MDC1: variants seen among roughly 807,000 people sequenced by gnomAD.
MDC1 encodes mediator of DNA damage checkpoint 1, also known as mediator of DNA damage checkpoint protein 1.
Under a neutral mutation model 142.5 loss-of-function variants are expected in MDC1, and 81 were observed. That is an observed-to-expected ratio of 0.57 (90% CI 0.47 to 0.68). The LOEUF (loss-of-function observed/expected upper bound fraction) is 0.68. MDC1 is among the 30% of genes least tolerant of loss of function. The probability of loss-of-function intolerance (pLI) is 0.00; values close to 1 mark genes in which losing one functional copy is unlikely to be tolerated. For missense variants in MDC1, 2,119 were observed against 2,547.9 expected, an observed-to-expected ratio of 0.83 and a Z score of 3.62; for synonymous variants, 797 against 968.4, an observed-to-expected ratio of 0.82 and a Z score of 3.29.
chr6:30,703,205 C>T lies in MDC1; in HGVS notation c.5764G>A (p.Glu1922Lys). 6.2e-7 allele frequency: 1 copy of T among 1,613,114 alleles called. No homozygotes were observed. Among genetic ancestry groups the T allele is most frequent in the East Asian group, 2.2e-5 (1 of 44,890 alleles). Residue 1922 changes from glutamate to lysine, a missense_variant, in exon 12 of 15, where the codon GAG becomes AAG. By Grantham distance (56) the Glu-to-Lys change is moderately conservative. Transcript: ENST00000376406. The surrounding 1 kb of genome is among the most constrained non-coding windows in gnomAD (Gnocchi z 4.4). Reference sequence around the variant, plus strand: ...CGATCAGTGACCAGGTGGGAAGCCTCTGCCGCTGAACCAGCCAGACTTCCC... The same window carrying T: ...CGATCAGTGACCAGGTGGGAAGCCTTTGCCGCTGAACCAGCCAGACTTCCC... ...LGGSLAGSAA[E>K]ASHLVTDRIR...
rs757008913 is a variant in MDC1 at position 30,704,852 on chromosome 6, G to A, written c.4331C>T (p.Thr1444Ile). Reference protein sequence around the residue: ...RGRTNRSSVKTPETVVPTAPE... With the variant: ...RGRTNRSSVKIPETVVPTAPE... ...GGCTGTGGGGACAACTGTTTCAGGGGTCTTCACAGAGGACCTATTTGTCCT... is the reference window on the plus strand; with the variant it reads ...GGCTGTGGGGACAACTGTTTCAGGGATCTTCACAGAGGACCTATTTGTCCT... The change falls in exon 10 of 15, where the codon ACC (threonine) becomes ATC (isoleucine). Residue 1444 changes from threonine (T) to isoleucine (I), a missense_variant. Physicochemically the swap from Thr to Ile is moderately conservative, Grantham distance 89. Coordinates refer to ENST00000376406, the MANE Select transcript of MDC1 (RefSeq NM_014641.3). 6.2e-7 allele frequency: 1 copy of A among 1,607,612 alleles called. No homozygotes were observed. Among genetic ancestry groups the A allele is most frequent in the South Asian group, 1.1e-5 (1 of 90,600 alleles).
Position 30,705,741 on chromosome 6 carries a change from T to C in MDC1, c.3442A>G (p.Ser1148Gly). The change falls in exon 10 of 15, where the codon AGC (serine) becomes GGC (glycine). Residue 1148 changes from serine (S) to glycine (G), a missense_variant. Coordinates refer to ENST00000376406, the MANE Select transcript of MDC1 (RefSeq NM_014641.3). ...TTGACAGAGGACCTATTTGTCCTGC[T>C]CCTAGTGGCCTGAGATGTGGGCTTG... is the stretch of plus-strand genomic sequence containing the variant. Reference protein sequence around the residue: ...TPKPTSQATRSRTNRSSVKTP... With the variant: ...TPKPTSQATRGRTNRSSVKTP... The C allele has an allele frequency of 1.2e-6, 2 of 1,612,130 alleles. No homozygotes were observed. The highest frequency in any genetic ancestry group is 1.7e-6 in the Non-Finnish European group (2 of 1,179,064).
At position 30,712,658 on chromosome 6, in the gene MDC1, G is replaced by C; in HGVS notation, c.1284C>G (p.Asn428Lys). The stretch of plus-strand genomic sequence containing the variant: ...GGGGCATGTCCTCTTCTGCATCTCT[G>C]TTCCATATAGCAGGCTGGCTCTCTT... Reference protein sequence around the residue: ...HLKESQPAIWNRDAEEDMPQR... With the variant: ...HLKESQPAIWKRDAEEDMPQR... The change falls in exon 5 of 15, where the codon AAC becomes AAG. Residue 428 changes from asparagine (N) to lysine (K), a missense_variant. Asn to Lys is a moderately conservative substitution (Grantham distance 94). Transcript: ENST00000376406. This position sits in a 1 kb window ranked among gnomAD's most constrained non-coding sequence, Gnocchi z 4.7. 6.2e-7 allele frequency: 1 copy of C among 1,613,006 alleles called. No individual in the cohort carries two copies. The highest frequency in any genetic ancestry group is 8.5e-7 in the Non-Finnish European group (1 of 1,180,008).
At position 30,716,504 on chromosome 6, in the gene MDC1, G is replaced by C. The variant is rs962677564; in HGVS notation, c.-4+741C>G. Among the ~76,000 whole-genome samples the C allele has an allele frequency of 6.6e-6, 1 of 152,182 alleles. No individual in the cohort carries two copies. Among genetic ancestry groups the C allele is most frequent in the Non-Finnish European group, 1.5e-5 (1 of 68,048 alleles). On this transcript the variant is annotated intron_variant, in intron 1 of 14. Transcript: ENST00000376406. This position sits in a 1 kb window ranked among gnomAD's most constrained non-coding sequence, Gnocchi z 4.4. ...TGGGATTACAGCAGTGAGCAACCGC[G>C]CCCGGCCTCAAATGTCACTTTCTCA...
In MDC1 at chr6:30,705,133, G is replaced by A; in HGVS notation, c.4050C>T (p.Thr1350=). The change falls in exon 10 of 15, where the codon ACC becomes ACT. Residue 1350 remains threonine (T), a synonymous_variant. Coordinates refer to ENST00000376406, the MANE Select transcript of MDC1 (RefSeq NM_014641.3). The part of the protein sequence containing the change: ...QPVTPKPTSR[T]TRSRTNMSSV... ...AGGACATATTTGTCCTGCTCCTAGT[G>A]GTCCGAGATGTGGGCTTAGGGGTGA... 6.2e-7 allele frequency: 1 copy of A among 1,611,126 alleles called. No individual in the cohort carries two copies. The highest frequency in any genetic ancestry group is 8.5e-7 in the Non-Finnish European group (1 of 1,179,272).
Position 30,704,350 on chromosome 6 carries a change from T to G in MDC1, c.4833A>C (p.Pro1611=). Residue 1611 remains proline, a synonymous_variant, in exon 10 of 15, where the codon CCA becomes CCC. Transcript: ENST00000376406. The part of the protein sequence containing the change: ...TNRSSVKTPE[P]VVPTAPEPHP... ...GGGGCTCAGGGGCTGTGGGGACAAC[T>G]GGCTCAGGGGTCTTGACAGAGGACC... 6.2e-7 allele frequency: 1 copy of G among 1,613,456 alleles called. No homozygotes were observed. Among genetic ancestry groups the G allele is most frequent in the Non-Finnish European group, 8.5e-7 (1 of 1,179,758 alleles).
chr6:30,716,998 C>T lies in MDC1; in HGVS notation c.-4+247G>A, dbSNP rs1158239939. ...GCCAACTCAGCGGGTGCCCACCACG[C>T]TTGGCTCCAATTCAAAGAGCCACCA... On this transcript the variant is annotated intron_variant, in intron 1 of 14. Transcript: ENST00000376406. This position sits in a 1 kb window ranked among gnomAD's most constrained non-coding sequence, Gnocchi z 4.4. The T allele has an allele frequency of 1.3e-6, 1 of 788,036 alleles. No individual in the cohort carries two copies. The highest frequency in any genetic ancestry group is 6.2e-5 in the Admixed American group (1 of 16,020). 48.8% of individuals were successfully genotyped at this position (788,036 alleles called of 1,614,324 possible).
chr6:30,702,425 C>T (rs1418662291), intron 14 of MDC1, 128 bp downstream of exon 14: 2 of 669,382 alleles, frequency 3.0e-6, no homozygotes, highest in Non-Finnish European at 4.9e-6. Context: ...TAGGTCTTTT[C>T]CCCCACCCTC....
intron 14 of MDC1, 127 bp from the exon 15 acceptor site, chr6:30,700,759 G>A (rs528083513): frequency 9.8e-6 from 9 of 914,420 alleles, no homozygotes; most frequent in Admixed American, 4.9e-5. Flanking sequence ...GAAGCACACC[G>A]CATACTGTCT....
Position 30,705,154 on chromosome 6 carries a change from G to C in MDC1, c.4029C>G (p.Thr1343=). 3 of 1,604,124 alleles carry C rather than the reference G, an allele frequency of 1.9e-6. No homozygotes were observed. Among genetic ancestry groups the C allele is most frequent in the Non-Finnish European group, 2.6e-6 (3 of 1,176,110 alleles). ...QISTSTDQPV[T]PKPTSRTTRS... is the part of the protein sequence containing the mutation. ...TAGTGGTCCGAGATGTGGGCTTAGG[G>C]GTGACAGGTTGGTCTGTGGAGGTGG... is the stretch of plus-strand genomic sequence containing the variant. The change falls in exon 10 of 15, where the codon ACC becomes ACG. Residue 1343 remains threonine (T), a synonymous_variant. Transcript: ENST00000376406.
Position 30,707,875 on chromosome 6 carries a change from C to T in MDC1, c.2704G>A (p.Glu902Lys). ...VEIETSEEIQEKQVQKQTLPS... is the reference protein window; with the variant it reads ...VEIETSEEIQKKQVQKQTLPS... ...AGGGTCTGCTTCTGTACTTGTTTCT[C>T]TTGTATTTCCTCAGATGTCTCAATT... The change falls in exon 8 of 15, where the codon GAG becomes AAG. Residue 902 changes from glutamate (E) to lysine (K), a missense_variant. Physicochemically the swap from Glu to Lys is moderately conservative, Grantham distance 56. Coordinates refer to ENST00000376406, the MANE Select transcript of MDC1 (RefSeq NM_014641.3). 6.2e-7 allele frequency: 1 copy of T among 1,613,104 alleles called. No homozygotes were observed. The highest frequency in any genetic ancestry group is 2.2e-5 in the East Asian group (1 of 44,880).
intron 14 of MDC1, 44 bp downstream of exon 14, chr6:30,702,509 C>T: frequency 6.9e-7 from 1 of 1,442,066 alleles, no homozygotes; most frequent in Non-Finnish European, 9.3e-7. Context: ...ACCTCTTTAA[C>T]TGCCACTGCC....
chr6:30,700,793 G>A lies in MDC1; in HGVS notation c.6103-161C>T, dbSNP rs571143454. 6.6e-5 allele frequency among the ~76,000 whole-genome samples: 10 copies of A among 151,910 alleles called. No homozygotes were observed. The East Asian group carries it at 1.9e-3, about 29-fold the overall frequency. ...CTATGAAATACTCTTGCTAGGCCGGGCGCAGTGGCTCATGCCTGTAATTAC... is the reference window on the plus strand; with the variant it reads ...CTATGAAATACTCTTGCTAGGCCGGACGCAGTGGCTCATGCCTGTAATTAC... On this transcript the variant is annotated intron_variant, in intron 14 of 14. Transcript: ENST00000376406.
Position 30,703,080 on chromosome 6 carries a change from T to C in MDC1, c.5865+24A>G. On this transcript the variant is annotated intron_variant, in intron 12 of 14. Coordinates refer to ENST00000376406, the MANE Select transcript of MDC1 (RefSeq NM_014641.3). The surrounding 1 kb of genome is among the most constrained non-coding windows in gnomAD (Gnocchi z 4.4). ...GAGCAGTCTTGCCACTATATCGGTC[T>C]GTCATCATCCCTTGGCCTCTCACCT... 6.2e-7 allele frequency: 1 copy of C among 1,605,750 alleles called. No individual in the cohort carries two copies. The highest frequency in any genetic ancestry group is 8.5e-7 in the Non-Finnish European group (1 of 1,175,014).
chr6:30,701,086 A>G (rs1772587167), intron 14 of MDC1, among the ~76,000 whole-genome samples: 1 of 144,904 alleles, frequency 6.9e-6, no homozygotes, highest in Non-Finnish European at 1.5e-5. Context: ...AAAGAAAAAA[A>G]AAAAGAAAAA....
At position 30,704,212 on chromosome 6, in the gene MDC1, G is replaced by C. The variant is rs28986317; in HGVS notation, c.4971C>G (p.Ala1657=). 98,524 of 1,613,798 alleles carry C rather than the reference G, an allele frequency of 0.061. 3,494 individuals are homozygous for C. The highest frequency in any genetic ancestry group is 0.11 in the South Asian group (10,094 of 91,044). The part of the protein sequence containing the change: ...VKTPKPVEPA[A]SDLEPFTPTD... The stretch of plus-strand genomic sequence containing the variant: ...TGGGGGTAAAAGGCTCAAGATCAGA[G>C]GCTGCTGGTTCAACTGGTTTGGGAG... Residue 1657 remains alanine (A), a synonymous_variant, in exon 10 of 15, where the codon GCC becomes GCG. Coordinates refer to ENST00000376406, the MANE Select transcript of MDC1 (RefSeq NM_014641.3).
At chr6:30,711,013 G>A (rs992873107) in intron 7 of MDC1, among the ~76,000 whole-genome samples, 10 of 152,190 alleles carry the variant, frequency 6.6e-5, no homozygotes, top group African/African-American at 1.4e-4. Flanking sequence ...ATTCACGGAC[G>A]CAAACTCGCA....
Position 30,712,867 on chromosome 6 carries a change from T to G in MDC1, c.1075A>C (p.Arg359=). Residue 359 remains arginine, a synonymous_variant, in exon 5 of 15, where the codon AGG becomes CGG. Coordinates refer to ENST00000376406, the MANE Select transcript of MDC1 (RefSeq NM_014641.3). This position sits in a 1 kb window ranked among gnomAD's most constrained non-coding sequence, Gnocchi z 4.7. ...KRKIFHGVGT[R]GPGAPGLAHL... ...GCCAGGCCTGGTGCTCCAGGACCCC[T>G]TGTACCTACTCCATGGAAGATCTTC... The G allele has an allele frequency of 6.2e-7, 1 of 1,613,074 alleles. No homozygotes were observed. Among genetic ancestry groups the G allele is most frequent in the Admixed American group, 1.7e-5 (1 of 60,016 alleles).
intron 14 of MDC1, 40 bp from the exon 15 acceptor site, chr6:30,700,672 A>C (rs1376482472): frequency 1.2e-6 from 2 of 1,608,602 alleles, no homozygotes; most frequent in Middle Eastern, 1.7e-4. Flanking sequence ...GGTGAAAAAG[A>C]ATCCTAGAAA....
Sources: allele counts gnomAD v4.1 joint callset (sites outside exome capture counted in the v4.1 genomes callset), GRCh38; gene constraint gnomAD v4.1.1; non-coding constraint Gnocchi (gnomAD v3.1); transcripts MANE v1.5; gene names NCBI Gene and HGNC (gene_info 2026-07-23, HGNC 2026-07-21).